PIGF: variants seen among roughly 807,000 people sequenced by gnomAD.
The protein encoded by PIGF is phosphatidylinositol glycan anchor biosynthesis class F.
A neutral mutation model predicts 26.0 loss-of-function variants in PIGF; 23 were observed. The observed-to-expected ratio is 0.88, with a 90% CI of 0.64 to 1.25. The LOEUF (loss-of-function observed/expected upper bound fraction) is 1.25, where lower values mean the gene tolerates loss of function less well. Ranked by LOEUF, PIGF falls within the 50% of genes most tolerant of loss-of-function variation. The pLI, the probability that PIGF is intolerant of heterozygous loss-of-function variation, is 0.00. For missense variants in PIGF, 278 were observed against 249.9 expected (o/e 1.11, Z -0.76); for synonymous variants, 93 against 92.6 (o/e 1.00, Z -0.03).
intron 4 of PIGF, among the ~76,000 whole-genome samples, chr2:46,596,229 A>C (rs984826362): frequency 2.0e-4 from 31 of 151,504 alleles, no homozygotes; most frequent in African/African-American, 7.3e-4. Context: ...AAAAAAAAAA[A>C]GATTGATGTA....
chr2:46,600,207 A>G (rs759796968), intron 4 of PIGF, among the ~76,000 whole-genome samples: 3 of 152,174 alleles, frequency 2.0e-5, no homozygotes, highest in Non-Finnish European at 4.4e-5. Context: ...GTAGATTGAT[A>G]AGAGGTAAAG....
intron 4 of PIGF, among the ~76,000 whole-genome samples, chr2:46,612,016 A>C (rs1217715962): frequency 6.6e-6 from 1 of 151,686 alleles, no homozygotes; most frequent in African/African-American, 2.4e-5. Flanking sequence ...TACAGAAAAA[A>C]GGAGAGCTGA....
chr2:46,582,221 T>G (rs1669413947), intron 5 of PIGF: 1 of 151,508 alleles, frequency 6.6e-6, no homozygotes, highest in Non-Finnish European at 1.5e-5. Flanking sequence ...AGGCTAGAAG[T>G]AATTAATGTT....
At chr2:46,592,688 T>A in intron 4 of PIGF, 105 bp from the exon 5 acceptor site, 2 of 618,078 alleles carry the variant, frequency 3.2e-6, no homozygotes, top group East Asian at 2.7e-5. Context: ...TTCCTGCTAA[T>A]TTAAAATGAA....
intron 4 of PIGF, among the ~76,000 whole-genome samples, chr2:46,596,748 T>C (rs1374425255): frequency 2.0e-5 from 3 of 152,116 alleles, no homozygotes; most frequent in Non-Finnish European, 2.9e-5. Flanking sequence ...TTAGCACCTT[T>C]TATCTACAAG....
Position 46,613,739 on chromosome 2 carries a change from A to G in PIGF, c.275T>C (p.Phe92Ser), listed in dbSNP as rs1670502579. The change falls in exon 3 of 6, where the codon TTC (phenylalanine) becomes TCC (serine). Residue 92 changes from phenylalanine (F) to serine (S), a missense_variant. Phe to Ser is a radical substitution (Grantham distance 155). Coordinates refer to ENST00000281382, the MANE Select transcript of PIGF (RefSeq NM_002643.4). ...KCCIYFLMSC[F>S]SFHVIFVLYG... ...CAGAACAAAAATTACATGAAAGGAG[A>G]AACAAGACATAAGAAAGTAGATACA... The G allele has an allele frequency of 6.4e-7, 1 of 1,558,322 alleles. No homozygotes were observed. The highest frequency in any genetic ancestry group is 8.8e-7 in the Non-Finnish European group (1 of 1,135,074).
chr2:46,613,136 A>C (rs1224289428), intron 3 of PIGF, among the ~76,000 whole-genome samples: 2 of 152,018 alleles, frequency 1.3e-5, no homozygotes, highest in African/African-American at 4.8e-5. Flanking sequence ...CACCATGATC[A>C]TTAATCACTG....
At chr2:46,586,266 A>G (rs980930455) in intron 5 of PIGF, among the ~76,000 whole-genome samples, 2 of 152,212 alleles carry the variant, frequency 1.3e-5, no homozygotes, top group African/African-American at 4.8e-5. Context: ...AGTGGTTTTA[A>G]ACTAATCATT....
chr2:46,606,996 G>C (rs768991653), intron 4 of PIGF, among the ~76,000 whole-genome samples: 25 of 152,248 alleles, frequency 1.6e-4, no homozygotes, highest in Admixed American at 4.6e-4. Context: ...GTAAAAAAAG[G>C]CAGTCACAAA....
chr2:46,592,516 C>T lies in PIGF; in HGVS notation c.505G>A (p.Gly169Arg). 1 of 1,610,642 alleles carries T rather than the reference C, an allele frequency of 6.2e-7. No individual in the cohort carries two copies. The change falls in exon 5 of 6, where the codon GGA becomes AGA. Residue 169 changes from glycine to arginine, a missense_variant. Coordinates refer to ENST00000281382, the MANE Select transcript of PIGF (RefSeq NM_002643.4). ...TISSFVGAWL[G>R]ALPIPLDWER... is the part of the protein sequence containing the mutation. Reference sequence around the variant, plus strand: ...CAATCCAGTGGAATAGGAAGTGCTCCAAGCCATGCTCCTACAAAGCTAGAA... The same window carrying T: ...CAATCCAGTGGAATAGGAAGTGCTCTAAGCCATGCTCCTACAAAGCTAGAA...
chr2:46,591,155 A>G (rs1207814967), intron 5 of PIGF, among the ~76,000 whole-genome samples: 1 of 152,232 alleles, frequency 6.6e-6, no homozygotes, highest in East Asian at 1.9e-4. Context: ...AATGACCTAA[A>G]TGTTCTTTAA....
intron 5 of PIGF, chr2:46,583,069 A>T (rs914880254): frequency 1.3e-5 from 2 of 152,214 alleles, no homozygotes; most frequent in African/African-American, 2.4e-5. Flanking sequence ...GAGTTGTCCA[A>T]CACATGGTAT....
chr2:46,583,049 CAT>C (rs758590274), intron 5 of PIGF: 2 of 152,082 alleles, frequency 1.3e-5, no homozygotes, highest in Non-Finnish European at 2.9e-5. Flanking sequence ...AATCAATTAA[CAT>C]ATTAGCTGAG....
In PIGF at chr2:46,616,163, A is replaced by C. The variant is rs1351095164; in HGVS notation, c.-22+807T>G. On this transcript the variant is annotated intron_variant, in intron 1 of 5. Coordinates refer to ENST00000281382, the MANE Select transcript of PIGF (RefSeq NM_002643.4). ...TTCACCCAATGCTTTTCAAAGGCAG[A>C]TATTTTACTGATAAGGAAACACGGC... 3.9e-5 allele frequency: 6 copies of C among 152,396 alleles called. No individual in the cohort carries two copies. The East Asian group carries it at 1.2e-3, about 29-fold the overall frequency. 9.4% of individuals were successfully genotyped at this position (152,396 alleles called of 1,614,324 possible).
intron 4 of PIGF, among the ~76,000 whole-genome samples, chr2:46,599,552 T>C (rs1488614597): frequency 1.3e-5 from 2 of 152,218 alleles, no homozygotes; most frequent in Non-Finnish European, 2.9e-5. Context: ...TGCTAAAACC[T>C]GACTTTCTAA....
chr2:46,611,901 C>A (rs943252014), intron 4 of PIGF, among the ~76,000 whole-genome samples: 3 of 152,040 alleles, frequency 2.0e-5, no homozygotes, highest in Non-Finnish European at 2.9e-5. Flanking sequence ...CAAATTATCC[C>A]AGAACCATGG....
At chr2:46,607,520 G>C (rs1239548773) in intron 4 of PIGF, among the ~76,000 whole-genome samples, 4 of 152,034 alleles carry the variant, frequency 2.6e-5, no homozygotes, top group Non-Finnish European at 5.9e-5. Flanking sequence ...TATTAAGTGG[G>C]CAATAGCATT....
intron 5 of PIGF, among the ~76,000 whole-genome samples, chr2:46,586,108 A>C (rs1669564914): frequency 6.6e-6 from 1 of 152,218 alleles, no homozygotes; most frequent in Non-Finnish European, 1.5e-5. Flanking sequence ...GCTGTTCTTC[A>C]TGTGAAATGT....
chr2:46,583,897 A>T (rs2104056786), intron 5 of PIGF, among the ~76,000 whole-genome samples: 1 of 152,302 alleles, frequency 6.6e-6, no homozygotes, highest in South Asian at 2.1e-4. Context: ...GCATATAGAG[A>T]ATTAGTTCTA....
Sources: gnomAD v4.1 joint callset for allele counts (sites outside exome capture counted in the v4.1 genomes callset) on GRCh38, gnomAD v4.1.1 for gene constraint, MANE v1.5 for transcripts, NCBI Gene and HGNC (gene_info 2026-07-23, HGNC 2026-07-21) for gene names.